The following STK24 variants were observed in gnomAD, a reference collection of about 807,000 sequenced individuals.
STK24 encodes serine/threonine-protein kinase 24.
STK24 carries 21 observed loss-of-function variants against 55.6 expected under a neutral mutation model. The ratio of observed to expected loss-of-function variants is 0.38; its 90% CI spans 0.27 to 0.54. STK24 has a LOEUF of 0.54. STK24 is among the 20% of genes least tolerant of loss of function. The probability of loss-of-function intolerance (pLI) is 0.79; values close to 1 mark genes in which losing one functional copy is unlikely to be tolerated. For synonymous variants in STK24, 200 were observed against 215.2 expected, an observed-to-expected ratio of 0.93 and a Z score of 0.62; for missense variants, 383 against 538.4, an observed-to-expected ratio of 0.71 and a Z score of 2.86.
Position 98,478,836 on chromosome 13 carries a change from T to C in STK24, c.330+3429A>G, listed in dbSNP as rs533635117. 3.6e-4 allele frequency among the ~76,000 whole-genome samples: 55 copies of C among 152,320 alleles called. 3 individuals carry two copies. In the South Asian group the frequency reaches 0.011, roughly 32 times the overall value. On this transcript the variant is annotated intron_variant, in intron 3 of 10. Transcript: ENST00000539966. ...GCTGATCTTTTAATCAGCTAAAACC[T>C]TCTGGTCTCAGGCCCTCTGTGGCTC... is the stretch of plus-strand genomic sequence containing the variant.
intron 5 of STK24, among the ~76,000 whole-genome samples, chr13:98,469,747 C>T (rs1297419586): frequency 1.3e-5 from 2 of 152,100 alleles, no homozygotes; most frequent in Non-Finnish European, 2.9e-5. Flanking sequence ...CTCTTCTCCC[C>T]AGGACTTCTG....
chr13:98,531,183 A>C (rs1435355273), intron 1 of STK24, among the ~76,000 whole-genome samples: 1 of 152,230 alleles, frequency 6.6e-6, no homozygotes, highest in East Asian at 1.9e-4. Flanking sequence ...TCATCCATAA[A>C]GGTCTTCTTT....
chr13:98,500,615 C>T (rs143527671), intron 2 of STK24, among the ~76,000 whole-genome samples: 236 of 145,560 alleles, frequency 1.6e-3, no homozygotes, highest in Middle Eastern at 3.4e-3. Flanking sequence ...TCAAACCTTC[C>T]CACCCCCACC....
intron 1 of STK24, 77 bp downstream of exon 1, chr13:98,576,668 G>T (rs1467033371): frequency 3.9e-6 from 5 of 1,285,164 alleles, no homozygotes; most frequent in Middle Eastern, 2.5e-4. Flanking sequence ...AGCGTAGGGG[G>T]ACGCCGTGTG....
chr13:98,469,136 T>C (rs1371893380), intron 5 of STK24, among the ~76,000 whole-genome samples: 1 of 152,234 alleles, frequency 6.6e-6, no homozygotes, highest in African/African-American at 2.4e-5. Flanking sequence ...CGCCTGCTTC[T>C]GCACGCAGTG....
Position 98,550,234 on chromosome 13 carries a change from C to CT in STK24, c.42+26510dup, listed in dbSNP as rs547954697. 1.1e-3 allele frequency among the ~76,000 whole-genome samples: 175 copies of CT among 152,288 alleles called. 1 individual carries two copies. The highest frequency in any genetic ancestry group is 3.8e-3 in the African/African-American group (158 of 41,558). ...AGCAGTAAAAGCTTTCTTGTTTCTTCTTTTTCATTTTACATAGGAACAGGC... is the reference window on the plus strand; with the variant it reads ...AGCAGTAAAAGCTTTCTTGTTTCTTCTTTTTTCATTTTACATAGGAACAGGC... On this transcript the variant is annotated intron_variant, in intron 1 of 10. Coordinates refer to ENST00000539966, the MANE Select transcript of STK24 (RefSeq NM_001032296.4).
chr13:98,471,154 G>A (rs1487682116), intron 5 of STK24, among the ~76,000 whole-genome samples: 1 of 152,228 alleles, frequency 6.6e-6, no homozygotes, highest in African/African-American at 2.4e-5. Context: ...GCAGGAGCAG[G>A]GAGTCCATGG....
chr13:98,542,599 A>G (rs1188221099), intron 1 of STK24, among the ~76,000 whole-genome samples: 1 of 152,216 alleles, frequency 6.6e-6, no homozygotes, highest in African/African-American at 2.4e-5. Flanking sequence ...GAAACAGCCT[A>G]CAAGGTAGTT....
At chr13:98,493,689 G>A (rs1895127040) in intron 2 of STK24, among the ~76,000 whole-genome samples, 1 of 151,968 alleles carries the variant, frequency 6.6e-6, no homozygotes, top group Admixed American at 6.6e-5. Context: ...TATGTAACAT[G>A]TTACAAATAT....
intron 1 of STK24, chr13:98,522,010 C>T: frequency 1.4e-6 from 2 of 1,434,430 alleles, no homozygotes; most frequent in Middle Eastern, 1.8e-4. Context: ...CCCTCCTCCT[C>T]CACTCTCTCC....
At chr13:98,563,676 G>GT (rs746998507) in intron 1 of STK24, among the ~76,000 whole-genome samples, 2 of 151,986 alleles carry the variant, frequency 1.3e-5, no homozygotes, top group Non-Finnish European at 2.9e-5. Context: ...GGCTAACATG[G>GT]TGAAACCCCA....
chr13:98,532,276 A>G (rs547356595), intron 1 of STK24, among the ~76,000 whole-genome samples: 29 of 152,116 alleles, frequency 1.9e-4, no homozygotes, highest in African/African-American at 6.3e-4. Flanking sequence ...CCGGCACCTC[A>G]CCTTTTTCAT....
At chr13:98,525,026 C>G (rs1896383302) in intron 1 of STK24, among the ~76,000 whole-genome samples, 1 of 152,254 alleles carries the variant, frequency 6.6e-6, no homozygotes, top group Non-Finnish European at 1.5e-5. Context: ...CAATGGGGCA[C>G]TCAATAAAGC....
intron 2 of STK24, among the ~76,000 whole-genome samples, chr13:98,482,646 G>T (rs1894639326): frequency 6.6e-6 from 1 of 152,218 alleles, no homozygotes; most frequent in Admixed American, 6.5e-5. Context: ...CTTCACTGGG[G>T]GATCCTCAGG....
intron 5 of STK24, among the ~76,000 whole-genome samples, chr13:98,469,744 C>T (rs746724850): frequency 1.3e-5 from 2 of 152,120 alleles, no homozygotes. Flanking sequence ...GATCTCTTCT[C>T]CCCAGGACTT....
At chr13:98,560,182 C>A (rs1302634933) in intron 1 of STK24, among the ~76,000 whole-genome samples, 1 of 152,222 alleles carries the variant, frequency 6.6e-6, no homozygotes, top group Admixed American at 6.5e-5. Context: ...CAGGCAGACA[C>A]CTCCCCTCGA....
At chr13:98,542,346 G>A (rs1480530356) in intron 1 of STK24, among the ~76,000 whole-genome samples, 3 of 152,030 alleles carry the variant, frequency 2.0e-5, no homozygotes, top group African/African-American at 4.8e-5. Context: ...AAGGTAAAAA[G>A]GACTGACAAA....
At chr13:98,542,883 T>C (rs1425092906) in intron 1 of STK24, 11 of 985,298 alleles carry the variant, frequency 1.1e-5, no homozygotes, top group African/African-American at 1.7e-5. Flanking sequence ...CTAGACCCCC[T>C]CATTTCCAAA....
At position 98,523,993 on chromosome 13, in the gene STK24, A is replaced by C. The variant is rs149287935; in HGVS notation, c.43-4520T>G. ...GTGGCCGCCCCACTCTTCCTGTCCC[A>C]CAATTCTTGTTGAGCTGAGGCTCTC... On this transcript the variant is annotated intron_variant, in intron 1 of 10. Coordinates refer to ENST00000539966, the MANE Select transcript of STK24 (RefSeq NM_001032296.4). Among the ~76,000 whole-genome samples the C allele has an allele frequency of 1.2e-3, 180 of 151,998 alleles. 3 individuals carry two copies. In the East Asian group the frequency reaches 0.028, roughly 24 times the overall value.
Sources: gnomAD v4.1 joint callset for allele counts (sites outside exome capture counted in the v4.1 genomes callset) on GRCh38, gnomAD v4.1.1 for gene constraint, MANE v1.5 for transcripts, NCBI Gene and HGNC (gene_info 2026-07-23, HGNC 2026-07-21) for gene names.